ADCY2: variants seen among roughly 807,000 people sequenced by gnomAD.
ADCY2 encodes adenylate cyclase 2.
Under a neutral mutation model 125.2 loss-of-function variants are expected in ADCY2, and 31 were observed. The ratio of observed to expected loss-of-function variants is 0.25; its 90% CI spans 0.19 to 0.33. ADCY2 has a LOEUF of 0.33. Among genes scored for constraint, ADCY2 ranks in the 10% least tolerant of loss-of-function variants. The pLI, the probability that ADCY2 is intolerant of heterozygous loss-of-function variation, is 1.00. For missense variants in ADCY2, 904 were observed against 1,418.2 expected (o/e 0.64, Z 5.82); for synonymous variants, 512 against 548.4 (o/e 0.93, Z 0.93).
At chr5:7,625,595 A>G (rs1206754523) in intron 3 of ADCY2, among the ~76,000 whole-genome samples, 1 of 152,232 alleles carries the variant, frequency 6.6e-6, no homozygotes, top group Admixed American at 6.5e-5. Flanking sequence ...ATATTTCTAC[A>G]TAAACAAAAG....
At chr5:7,818,705 C>A (rs1377253936) in intron 23 of ADCY2, among the ~76,000 whole-genome samples, 7 of 152,098 alleles carry the variant, frequency 4.6e-5, no homozygotes, top group Non-Finnish European at 7.4e-5. Flanking sequence ...GCATAGTAAA[C>A]CCCTATCGGG....
intron 3 of ADCY2, among the ~76,000 whole-genome samples, chr5:7,624,323 C>A (rs948181307): frequency 6.6e-6 from 1 of 152,214 alleles, no homozygotes; most frequent in East Asian, 1.9e-4. Context: ...ATTACACTTA[C>A]ACCTATTTGG....
In ADCY2 at chr5:7,757,452, T is replaced by A; in HGVS notation, c.1960T>A (p.Cys654Ser). Reference protein sequence around the residue: ...FVCFAGQLLQCSKKASPLLMW... With the variant: ...FVCFAGQLLQSSKKASPLLMW... ...TTTTCTTTCTCTCTTCTCCTAGCAA[T>A]GCAGCAAAAAAGCCTCTCCCCTGCT... Residue 654 changes from cysteine to serine, a missense_variant, in exon 16 of 25, where the codon TGC becomes AGC. By Grantham distance (112) the Cys-to-Ser change is moderately radical. Coordinates refer to ENST00000338316, the MANE Select transcript of ADCY2 (RefSeq NM_020546.3). 1 of 1,613,658 alleles carries A rather than the reference T, an allele frequency of 6.2e-7. No homozygotes were observed. Among genetic ancestry groups the A allele is most frequent in the Non-Finnish European group, 8.5e-7 (1 of 1,179,796 alleles).
intron 18 of ADCY2, among the ~76,000 whole-genome samples, chr5:7,773,440 G>A (rs1743619964): frequency 6.6e-6 from 1 of 152,122 alleles, no homozygotes; most frequent in African/African-American, 2.4e-5. Context: ...GCCGTCCTGT[G>A]CGTGGTAGGT....
At chr5:7,618,572 C>T (rs1427799542) in intron 3 of ADCY2, among the ~76,000 whole-genome samples, 1 of 152,166 alleles carries the variant, frequency 6.6e-6, no homozygotes, top group African/African-American at 2.4e-5. Context: ...TTAAATAAAA[C>T]TAAATACCTG....
intron 3 of ADCY2, among the ~76,000 whole-genome samples, chr5:7,612,706 G>C (rs1737606875): frequency 6.6e-6 from 1 of 152,186 alleles, no homozygotes; most frequent in Non-Finnish European, 1.5e-5. Context: ...AGTCACCCAA[G>C]GGCAACTGCT....
At chr5:7,539,765 G>A (rs745702590) in intron 3 of ADCY2, among the ~76,000 whole-genome samples, 1 of 152,212 alleles carries the variant, frequency 6.6e-6, no homozygotes, top group African/African-American at 2.4e-5. Context: ...AACAGCTAAG[G>A]ACAGCACGTC....
At chr5:7,455,218 G>A (rs954806106) in intron 2 of ADCY2, among the ~76,000 whole-genome samples, 1 of 152,168 alleles carries the variant, frequency 6.6e-6, no homozygotes. Flanking sequence ...ATTAGCTAAG[G>A]CACCACAGTT....
At chr5:7,681,478 C>T (rs2126714904) in intron 4 of ADCY2, among the ~76,000 whole-genome samples, 1 of 152,262 alleles carries the variant, frequency 6.6e-6, no homozygotes. Context: ...CTAGGCTCAC[C>T]TTCCCAAGCA....
intron 22 of ADCY2, among the ~76,000 whole-genome samples, chr5:7,813,443 A>G (rs1745004418): frequency 6.6e-6 from 1 of 152,246 alleles, no homozygotes; most frequent in Non-Finnish European, 1.5e-5. Flanking sequence ...CTTGCTGGTG[A>G]AACTTCCAAA....
At chr5:7,540,418 C>T (rs1163217492) in intron 3 of ADCY2, among the ~76,000 whole-genome samples, 3 of 152,216 alleles carry the variant, frequency 2.0e-5, no homozygotes, top group Non-Finnish European at 4.4e-5. Context: ...GGTCTCAACA[C>T]CTCCACTCTG....
intron 2 of ADCY2, among the ~76,000 whole-genome samples, chr5:7,465,659 G>T (rs918935710): frequency 3.9e-5 from 6 of 152,146 alleles, no homozygotes; most frequent in Non-Finnish European, 8.8e-5. Flanking sequence ...TTTTACTGAG[G>T]TGTTACTTAT....
chr5:7,621,921 A>G (rs921153902), intron 3 of ADCY2, among the ~76,000 whole-genome samples: 5 of 152,130 alleles, frequency 3.3e-5, no homozygotes, highest in African/African-American at 1.2e-4. Flanking sequence ...GCGCATACTC[A>G]ATTTCAAGAC....
intron 16 of ADCY2, among the ~76,000 whole-genome samples, chr5:7,764,065 T>C (rs1579407792): frequency 6.6e-6 from 1 of 152,340 alleles, no homozygotes; most frequent in South Asian, 2.1e-4. Flanking sequence ...TTTTTAAATC[T>C]CATTACTCAT....
intron 16 of ADCY2, among the ~76,000 whole-genome samples, chr5:7,762,154 T>G (rs1426144712): frequency 6.6e-6 from 1 of 152,216 alleles, no homozygotes; most frequent in Non-Finnish European, 1.5e-5. Flanking sequence ...AAGCACTGAA[T>G]TCCTCCAAGA....
chr5:7,480,435 G>A (rs1742686156), intron 2 of ADCY2, among the ~76,000 whole-genome samples: 1 of 152,126 alleles, frequency 6.6e-6, no homozygotes, highest in Non-Finnish European at 1.5e-5. Flanking sequence ...AAAAGAATGA[G>A]ATCATGTCCT....
In ADCY2 at chr5:7,436,100, G is replaced by A. The variant is rs137943395; in HGVS notation, c.408+21330G>A. ...ATTGGTGTCATTCACAGAGTTCAAT[G>A]ATAATTAATTAACACTGTATTAAAT... On this transcript the variant is annotated intron_variant, in intron 2 of 24. Coordinates refer to ENST00000338316, the MANE Select transcript of ADCY2 (RefSeq NM_020546.3). Among the ~76,000 whole-genome samples the A allele has an allele frequency of 5.3e-5, 8 of 152,302 alleles. No individual in the cohort carries two copies. In the East Asian group the frequency reaches 1.2e-3, roughly 22 times the overall value.
intron 3 of ADCY2, among the ~76,000 whole-genome samples, chr5:7,575,066 C>G (rs1291392458): frequency 6.6e-6 from 1 of 152,084 alleles, no homozygotes; most frequent in East Asian, 1.9e-4. Flanking sequence ...AGACTCATGC[C>G]TGTAATCCCA....
At chr5:7,471,780 A>G (rs1197525806) in intron 2 of ADCY2, among the ~76,000 whole-genome samples, 9 of 151,962 alleles carry the variant, frequency 5.9e-5, no homozygotes, top group South Asian at 4.1e-4. Context: ...TTTTCCATCA[A>G]TTTGAGAGAC....
Sources: allele counts gnomAD v4.1 joint callset (sites outside exome capture counted in the v4.1 genomes callset), GRCh38; gene constraint gnomAD v4.1.1; transcripts MANE v1.5; gene names NCBI Gene and HGNC (gene_info 2026-07-23, HGNC 2026-07-21).